ACSS3: variants seen among roughly 807,000 people sequenced by gnomAD.
ACSS3 encodes the protein acyl-CoA synthetase short chain family member 3.
ACSS3 carries 64 observed loss-of-function variants against 84.2 expected under a neutral mutation model. The ratio of observed to expected loss-of-function variants is 0.76; its 90% CI spans 0.62 to 0.94. The LOEUF is 0.94. Among genes scored for constraint, ACSS3 ranks in the 40% least tolerant of loss-of-function variants. The probability of loss-of-function intolerance (pLI) is 0.00; values close to 1 mark genes in which losing one functional copy is unlikely to be tolerated. For missense variants in ACSS3, 815 were observed against 867.6 expected, an observed-to-expected ratio of 0.94 and a Z score of 0.76; for synonymous variants, 317 against 310.1, an observed-to-expected ratio of 1.02 and a Z score of -0.23.
chr12:81,078,083 T>C lies in ACSS3; in HGVS notation c.-38T>C, dbSNP rs1397283347. ...GCCCCAGGAAGTTGCAAGAGTACCATTTGTCGCACACTCGGGGACCGCGGG... is the reference window on the plus strand; with the variant it reads ...GCCCCAGGAAGTTGCAAGAGTACCACTTGTCGCACACTCGGGGACCGCGGG... On this transcript the variant is annotated 5_prime_UTR_variant, in exon 1 of 16. Coordinates refer to ENST00000548058, the MANE Select transcript of ACSS3 (RefSeq NM_024560.4). 3 of 1,448,378 alleles carry C rather than the reference T, an allele frequency of 2.1e-6. No individual in the cohort carries two copies. The highest frequency in any genetic ancestry group is 2.9e-5 in the African/African-American group (2 of 69,590). 89.7% of individuals were successfully genotyped at this position (1,448,378 alleles called of 1,614,324 possible).
At chr12:81,200,235 C>G (rs2032038410) in intron 9 of ACSS3, among the ~76,000 whole-genome samples, 1 of 152,136 alleles carries the variant, frequency 6.6e-6, no homozygotes, top group Non-Finnish European at 1.5e-5. Flanking sequence ...TACCTCCTCA[C>G]AAAGTACAGA....
chr12:81,245,378 C>T (rs1052609031), intron 13 of ACSS3, among the ~76,000 whole-genome samples: 9 of 152,318 alleles, frequency 5.9e-5, no homozygotes, highest in East Asian at 3.9e-4. Context: ...AGGAGAATGG[C>T]GTGAACCCGC....
Position 81,140,196 on chromosome 12 carries a change from G to A in ACSS3, c.780+931G>A, listed in dbSNP as rs556878950. Among the ~76,000 whole-genome samples, 6 of 152,196 alleles carry A rather than the reference G, an allele frequency of 3.9e-5. No individual in the cohort carries two copies. The East Asian group carries it at 9.7e-4, about 25-fold the overall frequency. On this transcript the variant is annotated intron_variant, in intron 4 of 15. Transcript: ENST00000548058. Reference sequence around the variant, plus strand: ...TAGGCCAGAAATAAAACTATGCTTAGGAAAACAAAACATGAATATTCTAAG... The same window carrying A: ...TAGGCCAGAAATAAAACTATGCTTAAGAAAACAAAACATGAATATTCTAAG...
chr12:81,105,515 G>A (rs1574365), intron 1 of ACSS3, among the ~76,000 whole-genome samples: 53,393 of 152,030 alleles, frequency 0.35, 11,887 homozygotes, highest in Non-Finnish European at 0.5. Flanking sequence ...TTTCAGGTAT[G>A]GCTTTCTCCA....
chr12:81,098,129 T>TGAGAGAGAGAGAGAGAGAGA (rs769661021), intron 1 of ACSS3, among the ~76,000 whole-genome samples: 3 of 135,158 alleles, frequency 2.2e-5, no homozygotes, highest in African/African-American at 8.4e-5. Flanking sequence ...GGTCCCAGTA[T>TGAGAGAGAGAGAGAGAGAGA]GAGAGAGAGA....
chr12:81,157,982 T>C (rs957213899), intron 7 of ACSS3, among the ~76,000 whole-genome samples: 2 of 146,906 alleles, frequency 1.4e-5, no homozygotes, highest in Non-Finnish European at 3.0e-5. Flanking sequence ...ATCCCATAAC[T>C]AATAAGTGAG....
At chr12:81,085,080 C>T (rs2121289899) in intron 1 of ACSS3, among the ~76,000 whole-genome samples, 1 of 152,240 alleles carries the variant, frequency 6.6e-6, no homozygotes, top group East Asian at 1.9e-4. Flanking sequence ...TGTTTAAATG[C>T]AGAAGTGAAG....
chr12:81,196,258 A>T (rs914965034), intron 8 of ACSS3, among the ~76,000 whole-genome samples: 3 of 152,048 alleles, frequency 2.0e-5, no homozygotes, highest in African/African-American at 7.2e-5. Flanking sequence ...ACTCTCCCAT[A>T]TGGTAGCCTC....
intron 2 of ACSS3, among the ~76,000 whole-genome samples, chr12:81,131,377 A>G (rs911582522): frequency 6.6e-6 from 1 of 151,958 alleles, no homozygotes; most frequent in Non-Finnish European, 1.5e-5. Context: ...GTATTTTATT[A>G]TCTTTGAAGT....
At chr12:81,214,261 G>A (rs1194204891) in intron 9 of ACSS3, among the ~76,000 whole-genome samples, 1 of 151,890 alleles carries the variant, frequency 6.6e-6, no homozygotes, top group Non-Finnish European at 1.5e-5. Flanking sequence ...CATGACCTCT[G>A]GTGATCCACC....
chr12:81,097,347 G>A (rs1882142299), intron 1 of ACSS3, among the ~76,000 whole-genome samples: 1 of 152,162 alleles, frequency 6.6e-6, no homozygotes, highest in South Asian at 2.1e-4. Flanking sequence ...TCAGTTATAT[G>A]TTCCAATAAT....
intron 9 of ACSS3, among the ~76,000 whole-genome samples, chr12:81,201,424 A>C (rs2032103938): frequency 6.6e-6 from 1 of 152,232 alleles, no homozygotes; most frequent in Non-Finnish European, 1.5e-5. Flanking sequence ...ATTCACAAAT[A>C]AAATTATAAA....
At chr12:81,091,224 G>A (rs1313779498) in intron 1 of ACSS3, among the ~76,000 whole-genome samples, 3 of 151,754 alleles carry the variant, frequency 2.0e-5, no homozygotes, top group African/African-American at 7.3e-5. Context: ...TAAGAGTTGG[G>A]TTGATATTAT....
At chr12:81,104,888 A>C (rs1250118186) in intron 1 of ACSS3, 2 of 152,216 alleles carry the variant, frequency 1.3e-5, no homozygotes, top group Non-Finnish European at 2.9e-5. Context: ...TTTTATTTTT[A>C]TAGATTTAGA....
intron 13 of ACSS3, among the ~76,000 whole-genome samples, chr12:81,239,895 A>G (rs761431809): frequency 2.0e-5 from 3 of 151,358 alleles, no homozygotes; most frequent in Non-Finnish European, 4.4e-5. Flanking sequence ...GCACATACAT[A>G]TATATATGCT....
At chr12:81,134,792 A>T (rs755535903) in intron 2 of ACSS3, 24 bp from the exon 3 acceptor site, 5 of 1,476,758 alleles carry the variant, frequency 3.4e-6, no homozygotes, top group Non-Finnish European at 4.5e-6. Flanking sequence ...AATACACTTT[A>T]CTGATTTAAT....
At chr12:81,179,154 A>G (rs902583678) in intron 8 of ACSS3, among the ~76,000 whole-genome samples, 5 of 151,990 alleles carry the variant, frequency 3.3e-5, no homozygotes, top group African/African-American at 1.2e-4. Flanking sequence ...CATCATGAAT[A>G]AAAGACTTAA....
At chr12:81,238,193 T>C (rs1243567469) in intron 13 of ACSS3, among the ~76,000 whole-genome samples, 4 of 151,868 alleles carry the variant, frequency 2.6e-5, no homozygotes, top group African/African-American at 9.7e-5. Context: ...CAGCTTTGTA[T>C]ACCTGGGGTA....
Position 81,253,547 on chromosome 12 carries a change from A to T in ACSS3, c.1872A>T (p.Arg624Ser). The change falls in exon 15 of 16, where the codon AGA becomes AGT. Residue 624 changes from arginine to serine, a missense_variant. Arg to Ser is a moderately radical substitution (Grantham distance 110). Transcript: ENST00000548058. The stretch of plus-strand genomic sequence containing the variant: ...TGGAAGAAATTGTGAAACACGTTAG[A>T]CAGAACATTGGCCCTGTGGCTGCTT... Reference protein sequence around the residue: ...QVLEEIVKHVRQNIGPVAAFR... With the variant: ...QVLEEIVKHVSQNIGPVAAFR... The T allele has an allele frequency of 7.4e-6, 12 of 1,613,986 alleles. No homozygotes were observed. The highest frequency in any genetic ancestry group is 1.0e-5 in the Non-Finnish European group (12 of 1,179,930).
Sources: allele counts gnomAD v4.1 joint callset (sites outside exome capture counted in the v4.1 genomes callset), GRCh38; gene constraint gnomAD v4.1.1; transcripts MANE v1.5; gene names NCBI Gene and HGNC (gene_info 2026-07-23, HGNC 2026-07-21).